SETD6: variants seen among roughly 807,000 people sequenced by gnomAD.
The protein encoded by SETD6 is SET domain containing 6, protein lysine methyltransferase.
SETD6 carries 67 observed loss-of-function variants against 52.7 expected under a neutral mutation model. The observed-to-expected ratio is 1.27, with a 90% CI of 1.04 to 1.56. SETD6 has a LOEUF of 1.56. SETD6 is among the 40% of genes most tolerant of loss of function. The pLI is 0.00. For missense variants in SETD6, 712 were observed against 607.5 expected (o/e 1.17, Z -1.81); for synonymous variants, 307 against 250.2 (o/e 1.23, Z -2.14).
At chr16:58,517,053 G>A (rs1323572895) in intron 5 of SETD6, 125 bp downstream of exon 5, 1 of 1,356,656 alleles carries the variant, frequency 7.4e-7, no homozygotes, top group Non-Finnish European at 1.1e-6. Flanking sequence ...TGTCCTTTTA[G>A]TATGCATATT....
chr16:58,523,279 TCACTGAA>T lies in SETD6; in HGVS notation c.*4258_*4264del. 7.2e-7 allele frequency: 1 copy of T among 1,379,950 alleles called. No homozygotes were observed. The highest frequency in any genetic ancestry group is 1.9e-4 in the Middle Eastern group (1 of 5,214). 85.5% of individuals were successfully genotyped at this position (1,379,950 alleles called of 1,614,324 possible). A position where few individuals can be genotyped will look rare whatever the true frequency, so the allele number is the denominator to read the frequency against. ...AAAAAAAAACCAACCAAACGGATTT[TCACTGAA>T]CACTGAAAGCATAAAGAGGAAAAAA... On this transcript the variant is annotated 3_prime_UTR_variant, in exon 8 of 8. Transcript: ENST00000219315.
rs2039116325 is a variant in SETD6 at position 58,515,963 on chromosome 16, G to C, written c.200G>C (p.Ser67Thr). 6.5e-7 allele frequency: 1 copy of C among 1,530,552 alleles called. No individual in the cohort carries two copies. The highest frequency in any genetic ancestry group is 8.7e-7 in the Non-Finnish European group (1 of 1,147,812). The allele number at this position is 1,530,552 out of a possible 1,614,324, so 94.8% of individuals were successfully genotyped here. The stretch of plus-strand genomic sequence containing the variant: ...AGCCCTCCTGCTCAGGTGGCGGTCA[G>C]CCGGCAGGGCACGGTGGCCGGCTAC... ...LTSPPAQVAV[S>T]RQGTVAGYGM... is the part of the protein sequence containing the mutation. Residue 67 changes from serine to threonine, a missense_variant, in exon 2 of 8, where the codon AGC becomes ACC. Transcript: ENST00000219315.
intron 4 of SETD6, 59 bp downstream of exon 4, chr16:58,516,731 A>T: frequency 6.2e-7 from 1 of 1,609,760 alleles, no homozygotes; most frequent in Non-Finnish European, 8.5e-7. Context: ...ATAGAGGGAC[A>T]AAAGTGGAAA....
Position 58,518,782 on chromosome 16 carries a change from A to G in SETD6, c.1175A>G (p.Asp392Gly). The change falls in exon 8 of 8, where the codon GAT (aspartate) becomes GGT (glycine). Residue 392 changes from aspartate (D) to glycine (G), a missense_variant. Transcript: ENST00000219315. The stretch of plus-strand genomic sequence containing the variant: ...CTTAAAGACCAGGATGGAGGGGGAG[A>G]TGATAAAAGGGAAGAGGGCAGCCTG... ...RELKDQDGGG[D>G]DKREEGSLTI... 6.2e-7 allele frequency: 1 copy of G among 1,614,074 alleles called. No individual in the cohort carries two copies. Among genetic ancestry groups the G allele is most frequent in the Non-Finnish European group, 8.5e-7 (1 of 1,180,000 alleles).
rs746770003 is a variant in SETD6 at position 58,518,469 on chromosome 16, G to C, written c.1042G>C (p.Val348Leu). Residue 348 changes from valine to leucine, a missense_variant, in exon 7 of 8, where the codon GTA becomes CTA. Physicochemically the swap from Val to Leu is conservative, Grantham distance 32 (BLOSUM62 1). Transcript: ENST00000219315. ...RWDFLCKLEM[V>L]GEEGAFVIGR... is the part of the protein sequence containing the mutation. ...GGATTTCCTATGCAAACTGGAGATG[G>C]TAGGGGAAGAGGGAGCCTTTGTGAT... 50 of 1,589,202 alleles carry C rather than the reference G, an allele frequency of 3.1e-5. No homozygotes were observed. Among genetic ancestry groups the C allele is most frequent in the Non-Finnish European group, 4.3e-5 (50 of 1,174,404 alleles).
intron 6 of SETD6, 65 bp from the exon 7 acceptor site, chr16:58,518,336 G>T: frequency 6.3e-7 from 1 of 1,590,100 alleles, no homozygotes; most frequent in South Asian, 1.1e-5. Flanking sequence ...AGACTGGGTG[G>T]CAGACTAAAG....
rs1485505899 is a variant in SETD6 at position 58,515,832 on chromosome 16, C to T, written c.69C>T (p.Ala23=). The T allele has an allele frequency of 1.9e-6, 3 of 1,539,980 alleles. No homozygotes were observed. The highest frequency in any genetic ancestry group is 1.2e-5 in the South Asian group (1 of 82,780). The part of the protein sequence containing the change: ...PVDGGDLDPV[A]CFLSWCRRVG... ...ACGGCGGCGACCTGGATCCTGTGGCCTGCTTCCTGAGCTGGTGCCGGCGGG... is the reference window on the plus strand; with the variant it reads ...ACGGCGGCGACCTGGATCCTGTGGCTTGCTTCCTGAGCTGGTGCCGGCGGG... The change falls in exon 2 of 8, where the codon GCC becomes GCT. Residue 23 remains alanine, a synonymous_variant. Coordinates refer to ENST00000219315, the MANE Select transcript of SETD6 (RefSeq NM_001160305.4).
Position 58,518,235 on chromosome 16 carries a change from AGTGT to A in SETD6, c.973+5_973+8del, listed in dbSNP as rs2039236970. 6.2e-7 allele frequency: 1 copy of A among 1,614,198 alleles called. No homozygotes were observed. Among genetic ancestry groups the A allele is most frequent in the East Asian group, 2.2e-5 (1 of 44,890 alleles). On this transcript the variant is annotated splice_donor_5th_base_variant and intron_variant, in intron 6 of 7. Coordinates refer to ENST00000219315, the MANE Select transcript of SETD6 (RefSeq NM_001160305.4). The stretch of plus-strand genomic sequence containing the variant: ...GTTCGTGAGGCAGCATTACAGGGTG[AGTGT>A]ATCATTAACTCAATATTTGACACTG...
rs9938192 is a variant in SETD6 at position 58,519,311 on chromosome 16, G to C, written c.*282G>C. On this transcript the variant is annotated 3_prime_UTR_variant, in exon 8 of 8. Transcript: ENST00000219315. ...GCCAGTGGACATACGGTAGTAATAA[G>C]TAAGTCTTGTTGTGTTTCAGCATTT... 0.023 allele frequency: 8,178 copies of C among 348,438 alleles called. 550 individuals carry two copies. The highest frequency in any genetic ancestry group is 0.15 in the African/African-American group (7,199 of 48,084). The allele number at this position is 348,438 out of a possible 1,614,324, so 21.6% of individuals were successfully genotyped here.
chr16:58,523,297 A>G lies in SETD6; in HGVS notation c.*4268A>G. The stretch of plus-strand genomic sequence containing the variant: ...CGGATTTTCACTGAACACTGAAAGC[A>G]TAAAGAGGAAAAAAAAAAGATGAAA... On this transcript the variant is annotated 3_prime_UTR_variant, in exon 8 of 8. Transcript: ENST00000219315. 1 of 1,453,892 alleles carries G rather than the reference A, an allele frequency of 6.9e-7. No individual in the cohort carries two copies. Among genetic ancestry groups the G allele is most frequent in the East Asian group, 2.4e-5 (1 of 42,208 alleles). 90.1% of individuals were successfully genotyped at this position (1,453,892 alleles called of 1,614,324 possible). A position where few individuals can be genotyped will look rare whatever the true frequency, so the allele number is the denominator to read the frequency against.
rs1352634556 is a variant in SETD6 at position 58,521,590 on chromosome 16, G to A, written c.*2561G>A. Reference sequence around the variant, plus strand: ...GCTGTTCAGAATAAGGGGTGATGGGGGAGAGGAAGCCACATAAAGCCCAGA... The same window carrying A: ...GCTGTTCAGAATAAGGGGTGATGGGAGAGAGGAAGCCACATAAAGCCCAGA... On this transcript the variant is annotated 3_prime_UTR_variant, in exon 8 of 8. Transcript: ENST00000219315. Among the ~76,000 whole-genome samples, 1 of 152,164 alleles carries A rather than the reference G, an allele frequency of 6.6e-6. No individual in the cohort carries two copies. Among genetic ancestry groups the A allele is most frequent in the East Asian group, 1.9e-4 (1 of 5,192 alleles).
chr16:58,521,069 TA>T lies in SETD6; in HGVS notation c.*2043del. Reference sequence around the variant, plus strand: ...ATGAAGACAGTTACAAATCTCTGATTAAAGAGTAGGCCTAACAATACCTTGC... The same window carrying T: ...ATGAAGACAGTTACAAATCTCTGATTAAGAGTAGGCCTAACAATACCTTGC... On this transcript the variant is annotated 3_prime_UTR_variant, in exon 8 of 8. Transcript: ENST00000219315. 6.2e-7 allele frequency: 1 copy of T among 1,613,982 alleles called. No individual in the cohort carries two copies.
intron 6 of SETD6, 78 bp downstream of exon 6, chr16:58,518,309 A>G: frequency 6.2e-7 from 1 of 1,601,840 alleles, no homozygotes; most frequent in Non-Finnish European, 8.5e-7. Flanking sequence ...GCTTTGCTAA[A>G]TAGCAGTTGA....
rs1006058236 is a variant in SETD6 at position 58,523,160 on chromosome 16, G to A, written c.*4131G>A. Reference sequence around the variant, plus strand: ...CTTGAGAGGCTAAGGCACGAGAATCGCTTGAACCTGGGAGGCGGAGGTTGC... The same window carrying A: ...CTTGAGAGGCTAAGGCACGAGAATCACTTGAACCTGGGAGGCGGAGGTTGC... On this transcript the variant is annotated 3_prime_UTR_variant, in exon 8 of 8. Coordinates refer to ENST00000219315, the MANE Select transcript of SETD6 (RefSeq NM_001160305.4). 25 of 346,084 alleles carry A rather than the reference G, an allele frequency of 7.2e-5. No individual in the cohort carries two copies. Among genetic ancestry groups the A allele is most frequent in the African/African-American group, 4.4e-4 (21 of 47,316 alleles). The allele number at this position is 346,084 out of a possible 1,614,324, so 21.4% of individuals were successfully genotyped here. A position where few individuals can be genotyped will look rare whatever the true frequency, so the allele number is the denominator to read the frequency against.
Position 58,516,086 on chromosome 16 carries a change from T to C in SETD6, c.323T>C (p.Leu108Pro). The C allele has an allele frequency of 3.1e-6, 4 of 1,290,950 alleles. No individual in the cohort carries two copies. The highest frequency in any genetic ancestry group is 2.9e-6 in the Non-Finnish European group (3 of 1,023,102). 80.0% of individuals were successfully genotyped at this position (1,290,950 alleles called of 1,614,324 possible). ...LSQHTCSIGG[L>P]LERERVALQS... is the part of the protein sequence containing the mutation. ...CAGCACACCTGCTCCATCGGCGGCC[T>C]GCTGGAGCGAGGTGGGCACGGCGGC... Residue 108 changes from leucine to proline, a missense_variant, in exon 2 of 8, where the codon CTG becomes CCG. By Grantham distance (98) the Leu-to-Pro change is moderately conservative. Transcript: ENST00000219315.
At position 58,518,121 on chromosome 16, in the gene SETD6, T is replaced by TA. The variant is rs768456822; in HGVS notation, c.863_864insA (p.Met288IlefsTer3). 2,954 of 1,614,196 alleles carry TA rather than the reference T, an allele frequency of 1.8e-3. 5 individuals are homozygous for TA. Among genetic ancestry groups the TA allele is most frequent in the Middle Eastern group, 7.9e-3 (48 of 6,062 alleles). ...GAGATTTTCAACACTTATGGGCAAA[T>TA]GGCTAACTGGCAACTGATTCATATG... On this transcript the variant is annotated frameshift_variant, in exon 6 of 8. Transcript: ENST00000219315. LOFTEE classifies it high-confidence loss of function.
intron 1 of SETD6, 101 bp from the exon 2 acceptor site, chr16:58,515,687 CCCT>C (rs1273982212): frequency 1.4e-6 from 2 of 1,403,492 alleles, no homozygotes; most frequent in East Asian, 5.8e-5. Flanking sequence ...TCCGCTCGTC[CCCT>C]CCTCCACCCA....
chr16:58,515,576 G>A lies in SETD6; in HGVS notation c.27+12G>A, dbSNP rs748608884. The A allele has an allele frequency of 4.5e-6, 7 of 1,565,736 alleles. No individual in the cohort carries two copies. In the East Asian group the frequency reaches 1.5e-4, roughly 33 times the overall value. Reference sequence around the variant, plus strand: ...CGAAGCGTCCACGGGTGAGTGGCGGGCGCGGGGTCCAGCCTTTTCCTCCGC... The same window carrying A: ...CGAAGCGTCCACGGGTGAGTGGCGGACGCGGGGTCCAGCCTTTTCCTCCGC... On this transcript the variant is annotated intron_variant, in intron 1 of 7. Transcript: ENST00000219315.
Position 58,522,517 on chromosome 16 carries a change from C to T in SETD6, c.*3488C>T, listed in dbSNP as rs1245842681. On this transcript the variant is annotated 3_prime_UTR_variant, in exon 8 of 8. Transcript: ENST00000219315. ...TTAGCACCATAGGTGACTAATTAGG[C>T]AAATGAGCAAGTTTTAAGAGTCTGG... Among the ~76,000 whole-genome samples the T allele has an allele frequency of 6.8e-6, 1 of 147,274 alleles. No homozygotes were observed. The highest frequency in any genetic ancestry group is 1.5e-5 in the Non-Finnish European group (1 of 66,882).
Sources: allele counts gnomAD v4.1 joint callset (sites outside exome capture counted in the v4.1 genomes callset), GRCh38; gene constraint gnomAD v4.1.1; transcripts MANE v1.5; gene names NCBI Gene and HGNC (gene_info 2026-07-23, HGNC 2026-07-21).